Variants in METAP1 observed in about 807,000 individuals in gnomAD.
The protein encoded by METAP1 is methionyl aminopeptidase 1.
A neutral mutation model predicts 53.8 loss-of-function variants in METAP1; 28 were observed. The observed-to-expected ratio is 0.52, with a 90% CI of 0.39 to 0.71. The LOEUF (loss-of-function observed/expected upper bound fraction) is 0.71. Among genes scored for constraint, METAP1 ranks in the 30% least tolerant of loss-of-function variants. The pLI is 0.00. For missense variants in METAP1, 389 were observed against 479.8 expected (o/e 0.81, Z 1.77); for synonymous variants, 181 against 165.7 (o/e 1.09, Z -0.71).
chr4:99,059,876 C>T (rs1026250880), intron 10 of METAP1, among the ~76,000 whole-genome samples: 7 of 152,092 alleles, frequency 4.6e-5, no homozygotes, highest in Non-Finnish European at 8.8e-5. Context: ...TTTCTTTTGC[C>T]CCTCTTTCTG....
At chr4:99,043,109 G>A (rs1725995820) in intron 6 of METAP1, 140 bp from the exon 7 acceptor site, 1 of 651,930 alleles carries the variant, frequency 1.5e-6, no homozygotes, top group Non-Finnish European at 2.5e-6. Flanking sequence ...ATAATATCCA[G>A]TACTGTTACT....
chr4:99,051,228 CAAT>C (rs1029031304), intron 9 of METAP1, among the ~76,000 whole-genome samples: 1 of 151,820 alleles, frequency 6.6e-6, no homozygotes, highest in African/African-American at 2.4e-5. Context: ...AGACTGAAGA[CAAT>C]AATATTTATG....
Position 99,061,448 on chromosome 4 carries a change from A to G in METAP1, c.*131A>G. ...ACTATAGATAAGAAAGGACTACAGCATTTGATGTGTGTCCTCAAGAACTTG... is the reference window on the plus strand; with the variant it reads ...ACTATAGATAAGAAAGGACTACAGCGTTTGATGTGTGTCCTCAAGAACTTG... On this transcript the variant is annotated 3_prime_UTR_variant, in exon 11 of 11. Coordinates refer to ENST00000296411, the MANE Select transcript of METAP1 (RefSeq NM_015143.3). The G allele has an allele frequency of 1.3e-6, 1 of 786,224 alleles. No homozygotes were observed. The highest frequency in any genetic ancestry group is 1.9e-6 in the Non-Finnish European group (1 of 522,900). 48.7% of individuals were successfully genotyped at this position (786,224 alleles called of 1,614,324 possible).
chr4:99,055,474 C>G (rs1446737037), intron 9 of METAP1, among the ~76,000 whole-genome samples: 1 of 151,870 alleles, frequency 6.6e-6, no homozygotes, highest in Non-Finnish European at 1.5e-5. Context: ...ACAAGGCATG[C>G]CTGCATATTA....
At chr4:99,026,928 C>A in intron 1 of METAP1, 1 of 812,288 alleles carries the variant, frequency 1.2e-6, no homozygotes, top group Non-Finnish European at 1.5e-6. Flanking sequence ...GAAATACAAG[C>A]CCTTAGCTAA....
chr4:99,007,183 C>T (rs1471283449), intron 1 of METAP1, among the ~76,000 whole-genome samples: 1 of 152,002 alleles, frequency 6.6e-6, no homozygotes, highest in African/African-American at 2.4e-5. Flanking sequence ...TGTCTCACTC[C>T]TGGGCTCAAG....
chr4:99,031,101 GTTTTTT>G (rs56082818), intron 2 of METAP1, among the ~76,000 whole-genome samples: 32 of 109,916 alleles, frequency 2.9e-4, no homozygotes, highest in African/African-American at 9.8e-4. Context: ...CTCAAAGGTA[GTTTTTT>G]TTTTTTTTTT....
At chr4:99,000,998 G>A (rs1485073449) in intron 1 of METAP1, among the ~76,000 whole-genome samples, 3 of 152,118 alleles carry the variant, frequency 2.0e-5, no homozygotes, top group African/African-American at 7.2e-5. Context: ...GCACCTGGCT[G>A]GAAGAAAGTC....
At chr4:99,020,345 C>T (rs1489432862) in intron 1 of METAP1, among the ~76,000 whole-genome samples, 2 of 152,178 alleles carry the variant, frequency 1.3e-5, no homozygotes, top group Non-Finnish European at 2.9e-5. Flanking sequence ...CCTGTGGCAC[C>T]TCCATTAGAG....
chr4:99,057,948 T>TG (rs1305067061), intron 10 of METAP1, 130 bp downstream of exon 10: 4 of 728,116 alleles, frequency 5.5e-6, no homozygotes, highest in Admixed American at 2.7e-5. Flanking sequence ...ACCTCAAACT[T>TG]GATTCAGTAT....
At chr4:99,046,153 C>T (rs907252026) in intron 8 of METAP1, among the ~76,000 whole-genome samples, 4 of 152,138 alleles carry the variant, frequency 2.6e-5, no homozygotes, top group African/African-American at 9.7e-5. Context: ...GTGGCTCACT[C>T]CTGTAATCCC....
chr4:99,016,784 C>G (rs1456025323), intron 1 of METAP1, among the ~76,000 whole-genome samples: 2 of 152,158 alleles, frequency 1.3e-5, no homozygotes, highest in Non-Finnish European at 2.9e-5. Flanking sequence ...TGTCAGTGAC[C>G]TGTCTGGCCA....
At chr4:99,031,573 G>A in intron 2 of METAP1, 11 of 1,288,108 alleles carry the variant, frequency 8.5e-6, no homozygotes, top group Non-Finnish European at 1.1e-5. Context: ...GTTATTCTAA[G>A]TCTCACCTCC....
At chr4:99,031,624 G>T (rs1272824684) in intron 2 of METAP1, 3 of 1,250,254 alleles carry the variant, frequency 2.4e-6, no homozygotes, top group Non-Finnish European at 3.1e-6. Context: ...ATTAAATAAA[G>T]AAATCCATGA....
chr4:99,005,900 G>C, intron 1 of METAP1: 1 of 257,136 alleles, frequency 3.9e-6, no homozygotes. Flanking sequence ...GTGGTATAAT[G>C]GACTTTGGAG....
intron 3 of METAP1, among the ~76,000 whole-genome samples, chr4:99,035,146 G>A (rs1281944440): frequency 6.6e-6 from 1 of 152,126 alleles, no homozygotes; most frequent in Non-Finnish European, 1.5e-5. Context: ...GGAATAACAT[G>A]GGTGTCTTGT....
chr4:98,996,171 C>T (rs916058801), intron 1 of METAP1, among the ~76,000 whole-genome samples: 14 of 152,116 alleles, frequency 9.2e-5, no homozygotes, highest in African/African-American at 3.4e-4. Context: ...CGTTCTGGGG[C>T]CGGTTCCCCG....
intron 6 of METAP1, among the ~76,000 whole-genome samples, chr4:99,042,515 T>A (rs771176530): frequency 6.6e-6 from 1 of 152,094 alleles, no homozygotes; most frequent in Non-Finnish European, 1.5e-5. Flanking sequence ...CATGTTTTTC[T>A]GTTAGGAGTT....
chr4:99,014,771 C>G (rs1349188025), intron 1 of METAP1, among the ~76,000 whole-genome samples: 1 of 152,134 alleles, frequency 6.6e-6, no homozygotes, highest in African/African-American at 2.4e-5. Context: ...AGTAAGTGCC[C>G]CCCGACATTA....
Sources: allele counts gnomAD v4.1 joint callset (sites outside exome capture counted in the v4.1 genomes callset), GRCh38; gene constraint gnomAD v4.1.1; transcripts MANE v1.5; gene names NCBI Gene and HGNC (gene_info 2026-07-23, HGNC 2026-07-21).